Variants in ABCC9 observed in about 807,000 individuals in gnomAD.
ABCC9 encodes the protein ATP-binding cassette sub-family C member 9.
In ABCC9, 95 loss-of-function variants were observed where a neutral mutation model predicts 188.3. That is an observed-to-expected ratio of 0.50 (90% CI 0.43 to 0.60). The LOEUF is 0.60. Ranked by LOEUF, ABCC9 falls within the 20% of genes least tolerant of loss-of-function variation. The pLI, the probability that ABCC9 is intolerant of heterozygous loss-of-function variation, is 0.00. For synonymous variants in ABCC9, 659 were observed against 652.7 expected (o/e 1.01, Z -0.15); for missense variants, 1,102 against 1,876.3 (o/e 0.59, Z 7.62).
At chr12:21,939,360 C>T (rs1949610950) in intron 2 of ABCC9, among the ~76,000 whole-genome samples, 2 of 152,166 alleles carry the variant, frequency 1.3e-5, no homozygotes, top group Admixed American at 1.3e-4. Context: ...GCCTCCATTA[C>T]AACCCAACAT....
At chr12:21,894,308 A>G in intron 13 of ABCC9, 134 bp from the exon 14 acceptor site, 3 of 1,034,008 alleles carry the variant, frequency 2.9e-6, no homozygotes, top group Admixed American at 1.9e-5. Context: ...ACTTCATCCA[A>G]AACTCCCTAA....
intron 14 of ABCC9, among the ~76,000 whole-genome samples, 185 bp from the exon 15 acceptor site, chr12:21,888,119 G>T (rs938269857): frequency 1.5e-5 from 1 of 68,866 alleles, no homozygotes; most frequent in African/African-American, 3.0e-5. Context: ...AGGACAGAGG[G>T]GTTTCCAGGA....
Position 21,799,259 on chromosome 12 carries a change from TAAA to T in ABCC9, c.*1782_*1784del. 8.4e-6 allele frequency: 1 copy of T among 118,484 alleles called. No individual in the cohort carries two copies. Among genetic ancestry groups the T allele is most frequent in the African/African-American group, 3.1e-5 (1 of 31,936 alleles). 7.3% of individuals were successfully genotyped at this position (118,484 alleles called of 1,614,324 possible). On this transcript the variant is annotated 3_prime_UTR_variant, in exon 40 of 40. Coordinates refer to ENST00000261200, the MANE Select transcript of ABCC9 (RefSeq NM_020297.4). Reference sequence around the variant, plus strand: ...ACTTAAAGTATATTAAAAAAAAAATTAAAAAAAAAAAAGAAAAAAAAAAGATTA... The same window carrying T: ...ACTTAAAGTATATTAAAAAAAAAATTAAAAAAAAAGAAAAAAAAAAGATTA...
intron 5 of ABCC9, 115 bp downstream of exon 5, chr12:21,925,827 T>A: frequency 8.5e-7 from 1 of 1,176,760 alleles, no homozygotes; most frequent in Non-Finnish European, 1.2e-6. Context: ...TTTCCCATAC[T>A]TTCTACTCCC....
chr12:21,814,316 C>T (rs1205400286), intron 35 of ABCC9, among the ~76,000 whole-genome samples: 1 of 152,180 alleles, frequency 6.6e-6, no homozygotes, highest in Non-Finnish European at 1.5e-5. Context: ...GGAAGCAAGG[C>T]AGTTGTCCTC....
intron 17 of ABCC9, among the ~76,000 whole-genome samples, chr12:21,874,002 A>G (rs1022659809): frequency 4.6e-5 from 7 of 152,144 alleles, no homozygotes; most frequent in Non-Finnish European, 8.8e-5. Flanking sequence ...AAAAATAGAT[A>G]AGTAGAACCA....
intron 19 of ABCC9, among the ~76,000 whole-genome samples, chr12:21,863,716 A>G (rs1200692661): frequency 6.6e-6 from 1 of 152,164 alleles, no homozygotes; most frequent in Non-Finnish European, 1.5e-5. Context: ...AATTTCCAAT[A>G]GTTAGGAAAA....
rs369604693 is a variant in ABCC9, at chr12:21,872,626, T to C, written c.2197A>G (p.Asn733Asp). The C allele has an allele frequency of 2.2e-5, 35 of 1,610,866 alleles. No homozygotes were observed. Among genetic ancestry groups the C allele is most frequent in the Non-Finnish European group, 3.0e-5 (35 of 1,177,212 alleles). ...QTLEGKVHWS[N>D]VNESEPSFEA... ...GAAGCCAACTAAAAATATACATACT[T>C]GCTCCAGTGAACTTTTCCTTCCAAT... Residue 733 changes from asparagine (N) to aspartate (D), a missense_variant and splice_region_variant, in exon 18 of 40, where the codon AAT becomes GAT. Transcript: ENST00000261200.
chr12:21,910,570 C>T lies in ABCC9; in HGVS notation c.1164+256G>A, dbSNP rs1948272599. Among the ~76,000 whole-genome samples the T allele has an allele frequency of 2.0e-5, 3 of 151,788 alleles. No individual in the cohort carries two copies. The South Asian group carries it at 6.2e-4, about 32-fold the overall frequency. ...ATGCATTAAACTTTAAGCATAAGCCCTAGAACAAACAGAAAGAGATAAATA... is the reference window on the plus strand; with the variant it reads ...ATGCATTAAACTTTAAGCATAAGCCTTAGAACAAACAGAAAGAGATAAATA... On this transcript the variant is annotated intron_variant, in intron 9 of 39. Coordinates refer to ENST00000261200, the MANE Select transcript of ABCC9 (RefSeq NM_020297.4).
intron 16 of ABCC9, among the ~76,000 whole-genome samples, chr12:21,876,579 A>G (rs906317948): frequency 3.9e-5 from 6 of 152,200 alleles, no homozygotes; most frequent in African/African-American, 1.4e-4. Context: ...AATACCTTCT[A>G]TTCATCCCAC....
chr12:21,871,838 A>G (rs1284344543), intron 18 of ABCC9, among the ~76,000 whole-genome samples: 1 of 152,128 alleles, frequency 6.6e-6, no homozygotes, highest in East Asian at 1.9e-4. Context: ...GACAAAAATC[A>G]CACCCGTTTG....
chr12:21,829,346 C>T (rs572501048), intron 30 of ABCC9, among the ~76,000 whole-genome samples: 286 of 151,788 alleles, frequency 1.9e-3, no homozygotes, highest in African/African-American at 6.5e-3. Context: ...GGACTACAGG[C>T]ACCCGCCACC....
At chr12:21,909,454 A>G (rs922292978) in intron 10 of ABCC9, among the ~76,000 whole-genome samples, 2 of 151,996 alleles carry the variant, frequency 1.3e-5, no homozygotes, top group Non-Finnish European at 2.9e-5. Flanking sequence ...TGAGATAATT[A>G]AAAATGTCCA....
chr12:21,864,446 T>C lies in ABCC9; in HGVS notation c.2230A>G (p.Thr744Ala). 1 of 1,588,136 alleles carries C rather than the reference T, an allele frequency of 6.3e-7. No homozygotes were observed. Among genetic ancestry groups the C allele is most frequent in the Non-Finnish European group, 8.6e-7 (1 of 1,156,534 alleles). ...TTAAAATAGAAATAATACCTTCTGG[T>C]TGCTTCAAAAGAAGGCTCAGATTCA... is the stretch of plus-strand genomic sequence containing the variant. The part of the protein sequence containing the change: ...VNESEPSFEA[T>A]RSRNRYSVAY... Residue 744 changes from threonine to alanine, a missense_variant, in exon 19 of 40, where the codon ACC becomes GCC. Thr to Ala is a moderately conservative substitution (Grantham distance 58). Transcript: ENST00000261200.
At chr12:21,916,008 G>C in intron 6 of ABCC9, 98 bp from the exon 7 acceptor site, 1 of 1,227,110 alleles carries the variant, frequency 8.1e-7, no homozygotes, top group East Asian at 2.6e-5. Flanking sequence ...CATTTCAGGT[G>C]ACCAAAATTT....
chr12:21,828,970 C>T lies in ABCC9; in HGVS notation c.3657G>A (p.Leu1219=). The T allele has an allele frequency of 6.2e-7, 1 of 1,613,724 alleles. No individual in the cohort carries two copies. The highest frequency in any genetic ancestry group is 8.5e-7 in the Non-Finnish European group (1 of 1,179,678). The change falls in exon 31 of 40, where the codon CTG becomes CTA. Residue 1219 remains leucine (L), a synonymous_variant. Transcript: ENST00000261200. Reference sequence around the variant, plus strand: ...GAAATGAACGTACCGTCCTGACCTCCAGCCATCTGTTGGCAGCTGAGAGAA... The same window carrying T: ...GAAATGAACGTACCGTCCTGACCTCTAGCCATCTGTTGGCAGCTGAGAGAA... ...YLFLSAANRW[L]EVRTDYLGAC... is the part of the protein sequence containing the mutation.
intron 3 of ABCC9, among the ~76,000 whole-genome samples, chr12:21,935,794 C>T (rs1251230963): frequency 1.3e-5 from 2 of 151,852 alleles, no homozygotes; most frequent in Non-Finnish European, 2.9e-5. Context: ...TATTAATGTC[C>T]ATCATTTTAG....
In ABCC9 at chr12:21,910,222, T is replaced by C. The variant is rs1948252507; in HGVS notation, c.1255A>G (p.Ile419Val). ...TLGQINNLVA[I>V]ETNQLMWFLF... The stretch of plus-strand genomic sequence containing the variant: ...AACCACATGAGTTGATTAGTTTCAA[T>C]GGCGACTAAGTTGTTGATCTGCCCC... Residue 419 changes from isoleucine to valine, a missense_variant, in exon 10 of 40, where the codon ATT becomes GTT. By Grantham distance (29) the Ile-to-Val change is conservative. Transcript: ENST00000261200. 1 of 1,611,590 alleles carries C rather than the reference T, an allele frequency of 6.2e-7. No homozygotes were observed. Among genetic ancestry groups the C allele is most frequent in the Admixed American group, 1.7e-5 (1 of 59,806 alleles).
chr12:21,834,123 A>G (rs566921108), intron 30 of ABCC9, among the ~76,000 whole-genome samples: 58 of 152,310 alleles, frequency 3.8e-4, no homozygotes, highest in African/African-American at 1.2e-3. Flanking sequence ...CATGGTTGCC[A>G]TATCCAATGG....
Sources: gnomAD v4.1 joint callset for allele counts (sites outside exome capture counted in the v4.1 genomes callset) on GRCh38, gnomAD v4.1.1 for gene constraint, MANE v1.5 for transcripts, NCBI Gene and HGNC (gene_info 2026-07-23, HGNC 2026-07-21) for gene names.